The following PRLR variants were observed in gnomAD, a reference collection of about 807,000 sequenced individuals.
PRLR encodes hPRL receptor.
A neutral mutation model predicts 40.2 loss-of-function variants in PRLR; 13 were observed. The observed-to-expected ratio is 0.32, with a 90% confidence interval of 0.21 to 0.51. The LOEUF (loss-of-function observed/expected upper bound fraction) is 0.51. Ranked by LOEUF, PRLR falls within the 20% of genes least tolerant of loss-of-function variation. PRLR has a pLI of 0.97. For synonymous variants in PRLR, 269 were observed against 278.7 expected (o/e 0.97, Z 0.35); for missense variants, 656 against 747.3 (o/e 0.88, Z 1.42).
At chr5:35,097,696 A>G (rs1206158829) in intron 2 of PRLR, among the ~76,000 whole-genome samples, 1 of 152,052 alleles carries the variant, frequency 6.6e-6, no homozygotes, top group African/African-American at 2.4e-5. Flanking sequence ...ATGCTCCCCC[A>G]ATCCAAAGGC....
In PRLR at chr5:35,057,665, G is replaced by C. The variant is rs1434614881; in HGVS notation, c.*7424C>G. The C allele has an allele frequency of 6.6e-6, 1 of 152,084 alleles. No homozygotes were observed. Among genetic ancestry groups the C allele is most frequent in the East Asian group, 1.9e-4 (1 of 5,196 alleles). The allele number at this position is 152,084 out of a possible 1,614,324, so 9.4% of individuals were successfully genotyped here. On this transcript the variant is annotated 3_prime_UTR_variant, in exon 10 of 10. Transcript: ENST00000618457. The stretch of plus-strand genomic sequence containing the variant: ...TAAATGAATAAAACCATGGAAAACA[G>C]AGAGCACAATGTGCCATAAGCAAAG...
In PRLR at chr5:35,084,574, T is replaced by C; in HGVS notation, c.269A>G (p.Lys90Arg). Residue 90 changes from lysine (K) to arginine (R), a missense_variant, in exon 5 of 10, where the codon AAG (lysine) becomes AGG (arginine). By Grantham distance (26) the Lys-to-Arg change is conservative (BLOSUM62 2). Around this residue, in one of 3 missense-constraint regions of PRLR, gnomAD observed 180 missense variants for 236.8 expected, o/e 0.76. Coordinates refer to ENST00000618457, the MANE Select transcript of PRLR (RefSeq NM_000949.7). ...TGGPNSCHFG[K>R]QYTSMWRTYI... ...TGTCCTCCACATGGAGGTGTACTGC[T>C]TGCCAAAGTGGCAGGAGTTGGGGCC... 6.2e-7 allele frequency: 1 copy of C among 1,610,412 alleles called. No individual in the cohort carries two copies. Among genetic ancestry groups the C allele is most frequent in the Non-Finnish European group, 8.5e-7 (1 of 1,178,766 alleles).
At chr5:35,068,110 T>G (rs1352405764) in intron 9 of PRLR, 106 bp downstream of exon 9, 2 of 1,049,634 alleles carry the variant, frequency 1.9e-6, no homozygotes, top group African/African-American at 1.6e-5. Flanking sequence ...CCAAAAAGGC[T>G]GGCTGAAACT....
rs577889420 is a variant in PRLR, at chr5:35,056,241, A to G, written c.*8848T>C. On this transcript the variant is annotated 3_prime_UTR_variant, in exon 10 of 10. Transcript: ENST00000618457. ...GAGGAGATGTAAATACAAGAATTCC[A>G]GTTTAGGTGTTGGGACTTCCAAGGT... 1 of 152,210 alleles carries G rather than the reference A, an allele frequency of 6.6e-6. No homozygotes were observed. Among genetic ancestry groups the G allele is most frequent in the South Asian group, 2.1e-4 (1 of 4,828 alleles). The allele number at this position is 152,210 out of a possible 1,614,324, so 9.4% of individuals were successfully genotyped here.
At chr5:35,189,484 G>A (rs1775541089) in intron 1 of PRLR, among the ~76,000 whole-genome samples, 2 of 152,070 alleles carry the variant, frequency 1.3e-5, no homozygotes, top group South Asian at 4.1e-4. Context: ...GGGAGGCTGA[G>A]GCTGAAGAAT....
chr5:35,166,875 C>T (rs1487703702), intron 1 of PRLR, among the ~76,000 whole-genome samples: 2 of 152,120 alleles, frequency 1.3e-5, no homozygotes, highest in Admixed American at 1.3e-4. Flanking sequence ...ATTGGTATGT[C>T]AGCATCATCT....
chr5:35,209,282 T>G (rs1776106013), intron 1 of PRLR, among the ~76,000 whole-genome samples: 1 of 152,164 alleles, frequency 6.6e-6, no homozygotes, highest in African/African-American at 2.4e-5. Context: ...TAGAAATCTA[T>G]TCTGTAATAT....
At chr5:35,169,211 T>A (rs1368305570) in intron 1 of PRLR, among the ~76,000 whole-genome samples, 1 of 152,180 alleles carries the variant, frequency 6.6e-6, no homozygotes, top group African/African-American at 2.4e-5. Context: ...TGACAGTGTA[T>A]TGGACTCGAC....
At chr5:35,227,154 T>C (rs1224833627) in intron 1 of PRLR, among the ~76,000 whole-genome samples, 1 of 152,234 alleles carries the variant, frequency 6.6e-6, no homozygotes, top group Non-Finnish European at 1.5e-5. Context: ...CTCCCATAGG[T>C]GATCTTGTTG....
At chr5:35,125,934 T>C (rs1002534462) in intron 1 of PRLR, among the ~76,000 whole-genome samples, 1 of 152,164 alleles carries the variant, frequency 6.6e-6, no homozygotes, top group Non-Finnish European at 1.5e-5. Flanking sequence ...TCTCCCTCAC[T>C]CTTGGGCAAC....
intron 1 of PRLR, among the ~76,000 whole-genome samples, chr5:35,118,513 C>A (rs1213814005): frequency 6.6e-6 from 1 of 152,148 alleles, no homozygotes; most frequent in Non-Finnish European, 1.5e-5. Flanking sequence ...AAGGACAATT[C>A]TCCTACATAA....
At chr5:35,212,892 A>G (rs1475141419) in intron 1 of PRLR, among the ~76,000 whole-genome samples, 7 of 152,184 alleles carry the variant, frequency 4.6e-5, no homozygotes, top group African/African-American at 1.7e-4. Flanking sequence ...TCATTAAAGC[A>G]TTTCATTTTC....
intron 1 of PRLR, among the ~76,000 whole-genome samples, chr5:35,159,679 G>T (rs777602166): frequency 4.6e-5 from 7 of 152,168 alleles, no homozygotes; most frequent in Non-Finnish European, 7.3e-5. Flanking sequence ...TCCTTTCATT[G>T]TAACAGTTTA....
intron 1 of PRLR, among the ~76,000 whole-genome samples, chr5:35,226,165 C>T (rs1198196382): frequency 6.6e-6 from 1 of 152,226 alleles, no homozygotes; most frequent in Non-Finnish European, 1.5e-5. Context: ...ACATCAAATA[C>T]AAATCGTTGT....
intron 2 of PRLR, among the ~76,000 whole-genome samples, chr5:35,095,266 A>T (rs989736078): frequency 2.0e-5 from 3 of 152,226 alleles, no homozygotes; most frequent in African/African-American, 7.2e-5. Flanking sequence ...ACTGTTATAC[A>T]AGCTCTGCCC....
At chr5:35,212,584 G>A (rs1450843306) in intron 1 of PRLR, among the ~76,000 whole-genome samples, 1 of 152,080 alleles carries the variant, frequency 6.6e-6, no homozygotes, top group Non-Finnish European at 1.5e-5. Context: ...AAGTCCCCTG[G>A]TATGAAATTA....
intron 1 of PRLR, among the ~76,000 whole-genome samples, chr5:35,136,476 C>T (rs952431064): frequency 3.3e-5 from 5 of 152,166 alleles, no homozygotes; most frequent in African/African-American, 1.2e-4. Context: ...CCAGTCATGA[C>T]AATAAAAAGT....
At chr5:35,101,629 T>C (rs920818871) in intron 2 of PRLR, among the ~76,000 whole-genome samples, 29 of 151,902 alleles carry the variant, frequency 1.9e-4, no homozygotes, top group African/African-American at 7.0e-4. Context: ...AATTAAAACA[T>C]ATTTTTCTGG....
chr5:35,219,030 G>T (rs952220627), intron 1 of PRLR, among the ~76,000 whole-genome samples: 1 of 152,140 alleles, frequency 6.6e-6, no homozygotes, highest in Non-Finnish European at 1.5e-5. Flanking sequence ...GCGGCGGGGT[G>T]GGGGGTGGTT....
Sources: gnomAD v4.1 joint callset for allele counts (sites outside exome capture counted in the v4.1 genomes callset) on GRCh38, gnomAD v4.1.1 for gene constraint, gnomAD v4.1.1 regional missense constraint, MANE v1.5 for transcripts, NCBI Gene and HGNC (gene_info 2026-07-23, HGNC 2026-07-21) for gene names.